Variants in SPTLC1 observed in about 807,000 individuals in gnomAD.
The protein encoded by SPTLC1 is serine palmitoyltransferase 1.
Under a neutral mutation model 68.9 loss-of-function variants are expected in SPTLC1, and 55 were observed. The observed-to-expected ratio is 0.80, with a 90% confidence interval of 0.64 to 1.00. SPTLC1 has a LOEUF of 1.00. Among genes scored for constraint, SPTLC1 ranks in the 50% least tolerant of loss-of-function variants. SPTLC1 has a pLI of 0.00. For synonymous variants in SPTLC1, 197 were observed against 201.6 expected (o/e 0.98, Z 0.19); for missense variants, 449 against 573.1 (o/e 0.78, Z 2.21).
At chr9:92,054,580 G>A (rs879874095) in intron 8 of SPTLC1, among the ~76,000 whole-genome samples, 2 of 152,136 alleles carry the variant, frequency 1.3e-5, no homozygotes, top group African/African-American at 2.4e-5. Context: ...TAAAGTAGGT[G>A]TATTTTATAC....
intron 5 of SPTLC1, among the ~76,000 whole-genome samples, chr9:92,072,678 G>A (rs555276324): frequency 2.7e-4 from 41 of 151,592 alleles, no homozygotes; most frequent in Admixed American, 9.2e-4. Context: ...TCTGTAACAC[G>A]GCCTGGCCCC....
intron 12 of SPTLC1, among the ~76,000 whole-genome samples, chr9:92,042,594 T>C (rs756732678): frequency 6.6e-6 from 1 of 152,146 alleles, no homozygotes; most frequent in Non-Finnish European, 1.5e-5. Context: ...GGAATTCCAT[T>C]AAAGGACACA....
chr9:92,085,707 A>G (rs1163390191), intron 3 of SPTLC1, among the ~76,000 whole-genome samples: 1 of 151,962 alleles, frequency 6.6e-6, no homozygotes, highest in Non-Finnish European at 1.5e-5. Context: ...GCTGAAAAAA[A>G]TGTATATTCT....
At position 92,096,034 on chromosome 9, in the gene SPTLC1, C is replaced by T. The variant is rs564846489; in HGVS notation, c.260+12706G>A. On this transcript the variant is annotated intron_variant, in intron 3 of 14. Coordinates refer to ENST00000262554, the MANE Select transcript of SPTLC1 (RefSeq NM_006415.4). ...TAAGAATGAGTGAAGGCAGGGGTGC[C>T]GTTCTGAAGACAAAAATTAGGTGTG... Among the ~76,000 whole-genome samples, 23 of 152,230 alleles carry T rather than the reference C, an allele frequency of 1.5e-4. No homozygotes were observed. The South Asian group carries it at 3.9e-3, about 26-fold the overall frequency.
Position 92,098,405 on chromosome 9 carries a change from C to T in SPTLC1, c.260+10335G>A, listed in dbSNP as rs1045575425. On this transcript the variant is annotated intron_variant, in intron 3 of 14. Transcript: ENST00000262554. ...CCCCTGCGGACCAGTGAACCTCGCC[C>T]GAGAGCTCAGTAAAGATTTTTGCCC... is the stretch of plus-strand genomic sequence containing the variant. 3.3e-5 allele frequency among the ~76,000 whole-genome samples: 5 copies of T among 152,250 alleles called. No homozygotes were observed. The East Asian group carries it at 5.8e-4, about 18-fold the overall frequency.
chr9:92,048,816 A>G (rs1833606369), intron 9 of SPTLC1, among the ~76,000 whole-genome samples: 1 of 152,210 alleles, frequency 6.6e-6, no homozygotes, highest in Admixed American at 6.5e-5. Flanking sequence ...TTGTCTCACC[A>G]AATTTTCTTT....
At chr9:92,085,151 G>C (rs1835065061) in intron 3 of SPTLC1, among the ~76,000 whole-genome samples, 1 of 149,950 alleles carries the variant, frequency 6.7e-6, no homozygotes, top group Non-Finnish European at 1.5e-5. Flanking sequence ...TATTAGTCTT[G>C]CTAGCGGTCT....
rs1452467508 is a variant in SPTLC1 at position 92,034,839 on chromosome 9, C to T, written c.1299G>A (p.Glu433=). ...GAGGAGGGAGACACTTCTCTTCTTT[C>T]TCCAAGTAGCGCGCCTGAGTTAATG... ...SIALTQARYL[E]KEEKCLPPPS... is the part of the protein sequence containing the mutation. The change falls in exon 14 of 15, where the codon GAG becomes GAA. Residue 433 remains glutamate, a synonymous_variant. Transcript: ENST00000262554. 6.2e-7 allele frequency: 1 copy of T among 1,614,186 alleles called. No individual in the cohort carries two copies. Among genetic ancestry groups the T allele is most frequent in the Non-Finnish European group, 8.5e-7 (1 of 1,180,036 alleles).
intron 5 of SPTLC1, among the ~76,000 whole-genome samples, chr9:92,075,157 GT>G (rs1056089423): frequency 1.3e-5 from 2 of 152,048 alleles, no homozygotes; most frequent in Admixed American, 1.3e-4. Context: ...ACTCCAAGGG[GT>G]ACAGAGTATC....
chr9:92,079,482 T>G (rs1834800563), intron 5 of SPTLC1: 1 of 1,613,062 alleles, frequency 6.2e-7, no homozygotes, highest in East Asian at 2.2e-5. Context: ...TCACTGTATT[T>G]GAAATCATAC....
At chr9:92,077,789 C>T (rs1834736227) in intron 5 of SPTLC1, among the ~76,000 whole-genome samples, 1 of 152,170 alleles carries the variant, frequency 6.6e-6, no homozygotes, top group Non-Finnish European at 1.5e-5. Flanking sequence ...AAGCTGCCAC[C>T]CTTAACTCTC....
At chr9:92,114,443 TAA>T (rs1836362197) in intron 1 of SPTLC1, among the ~76,000 whole-genome samples, 1 of 151,848 alleles carries the variant, frequency 6.6e-6, no homozygotes, top group South Asian at 2.1e-4. Context: ...ATTCTTCCTT[TAA>T]AAGTCTACGG....
In SPTLC1 at chr9:92,063,572, A is replaced by G. The variant is rs572231568; in HGVS notation, c.561-4264T>C. ...ATCAAAAAAAGTGTATTATAGGACA[A>G]TCTCCCTCATGAACACAGATTCAAA... is the stretch of plus-strand genomic sequence containing the variant. On this transcript the variant is annotated intron_variant, in intron 6 of 14. Transcript: ENST00000262554. Among the ~76,000 whole-genome samples, 52 of 152,240 alleles carry G rather than the reference A, an allele frequency of 3.4e-4. No homozygotes were observed. The South Asian group carries it at 0.011, about 32-fold the overall frequency.
intron 3 of SPTLC1, among the ~76,000 whole-genome samples, chr9:92,095,945 G>T (rs1053682724): frequency 6.6e-6 from 1 of 152,218 alleles, no homozygotes; most frequent in Non-Finnish European, 1.5e-5. Context: ...ACAACAGGCA[G>T]TCACTCCCCT....
intron 12 of SPTLC1, 107 bp from the exon 13 acceptor site, chr9:92,038,472 C>T: frequency 3.7e-6 from 3 of 809,240 alleles, no homozygotes; most frequent in Admixed American, 1.8e-5. Context: ...AGTGAACGTA[C>T]AGAAGCTTGC....
At position 92,080,135 on chromosome 9, in the gene SPTLC1, G is replaced by A. The variant is rs375658308; in HGVS notation, c.355-47C>T. 8 of 1,489,004 alleles carry A rather than the reference G, an allele frequency of 5.4e-6. No individual in the cohort carries two copies. The African/African-American group carries it at 7.0e-5, about 13-fold the overall frequency. 92.2% of individuals were successfully genotyped at this position (1,489,004 alleles called of 1,614,324 possible). The stretch of plus-strand genomic sequence containing the variant: ...ATACTTTAATAATTTATCTTTAAGA[G>A]TTCAAAACAAACATTTCCTATTCTT... On this transcript the variant is annotated intron_variant, in intron 4 of 14. Coordinates refer to ENST00000262554, the MANE Select transcript of SPTLC1 (RefSeq NM_006415.4).
chr9:92,090,119 G>T (rs535252118), intron 3 of SPTLC1, among the ~76,000 whole-genome samples: 21 of 152,316 alleles, frequency 1.4e-4, no homozygotes, highest in Non-Finnish European at 2.9e-4. Context: ...CACGGATAAA[G>T]AAAGAAATAC....
chr9:92,105,235 G>C, intron 3 of SPTLC1: 1 of 1,531,708 alleles, frequency 6.5e-7, no homozygotes, highest in South Asian at 1.2e-5. Context: ...TGAGGTGGGA[G>C]AGAGATGAGG....
chr9:92,044,909 G>C (rs1833457869), intron 12 of SPTLC1, among the ~76,000 whole-genome samples: 1 of 152,160 alleles, frequency 6.6e-6, no homozygotes, highest in African/African-American at 2.4e-5. Flanking sequence ...TGGGGTAAGT[G>C]GAGATTAGAC....
Sources: gnomAD v4.1 joint callset for allele counts (sites outside exome capture counted in the v4.1 genomes callset) on GRCh38, gnomAD v4.1.1 for gene constraint, MANE v1.5 for transcripts, NCBI Gene and HGNC (gene_info 2026-07-23, HGNC 2026-07-21) for gene names.